Variants in TMCO1 observed in about 807,000 individuals in gnomAD.
TMCO1 encodes transmembrane and coiled-coil domains 1.
TMCO1 carries 29 observed loss-of-function variants against 29.3 expected under a neutral mutation model. The ratio of observed to expected loss-of-function variants is 0.99; its 90% CI spans 0.74 to 1.35. The LOEUF is 1.35. Among genes scored for constraint, TMCO1 ranks in the 40% most tolerant of loss-of-function variants. TMCO1 has a pLI of 0.00. For synonymous variants in TMCO1, 80 were observed against 77.1 expected (o/e 1.04, Z -0.20); for missense variants, 173 against 225.5 (o/e 0.77, Z 1.49).
At position 165,746,393 on chromosome 1, in the gene TMCO1, T is replaced by C. The variant is rs571678118; in HGVS notation, c.324-3082A>G. Among the ~76,000 whole-genome samples the C allele has an allele frequency of 1.5e-4, 23 of 150,834 alleles. 1 individual carries two copies. In the East Asian group the frequency reaches 4.5e-3, roughly 30 times the overall value. ...GATTATAATGAAGCTTTCATATAATTTTCCTCCTTGAAGATACTCTACTTG... is the reference window on the plus strand; with the variant it reads ...GATTATAATGAAGCTTTCATATAATCTTCCTCCTTGAAGATACTCTACTTG... On this transcript the variant is annotated intron_variant, in intron 5 of 6. Coordinates refer to ENST00000367881, the MANE Select transcript of TMCO1 (RefSeq NM_019026.6).
intron 2 of TMCO1, among the ~76,000 whole-genome samples, chr1:165,763,202 C>T (rs990435247): frequency 1.6e-4 from 24 of 152,150 alleles, no homozygotes; most frequent in African/African-American, 4.6e-4. Context: ...ATTCATACTA[C>T]GTTCTGAATA....
At chr1:165,730,174 A>G (rs1651089713) in intron 6 of TMCO1, among the ~76,000 whole-genome samples, 1 of 135,264 alleles carries the variant, frequency 7.4e-6, no homozygotes, top group South Asian at 2.4e-4. Flanking sequence ...ACACACACAC[A>G]AAAAAAAAAA....
rs761597610 is a variant in TMCO1 at position 165,754,206 on chromosome 1, A to T, written c.255+22T>A. On this transcript the variant is annotated intron_variant, in intron 4 of 6. Coordinates refer to ENST00000367881, the MANE Select transcript of TMCO1 (RefSeq NM_019026.6). ...TAAAAATATTATGTGGTTAACCATG[A>T]AGTTATAGTTAGGTCTCTTACCATT... 8 of 1,594,820 alleles carry T rather than the reference A, an allele frequency of 5.0e-6. No homozygotes were observed. The East Asian group carries it at 1.8e-4, about 36-fold the overall frequency.
At chr1:165,761,337 T>G (rs897713306) in intron 2 of TMCO1, among the ~76,000 whole-genome samples, 6 of 151,850 alleles carry the variant, frequency 4.0e-5, no homozygotes, top group African/African-American at 1.5e-4. Context: ...GAGTTTGGGA[T>G]CAGCCTGGGC....
intron 5 of TMCO1, among the ~76,000 whole-genome samples, chr1:165,746,452 A>AACACACAC (rs1651800021): frequency 1.6e-5 from 1 of 61,630 alleles, no homozygotes; most frequent in Non-Finnish European, 3.1e-5. Context: ...GAAGACCTAT[A>AACACACAC]TCACACACAC....
At chr1:165,757,104 A>G (rs1011048608) in intron 3 of TMCO1, among the ~76,000 whole-genome samples, 3 of 152,204 alleles carry the variant, frequency 2.0e-5, no homozygotes, top group African/African-American at 7.2e-5. Flanking sequence ...TGTCCGTAAG[A>G]TAAAATAAAT....
rs571582788 is a variant in TMCO1, at chr1:165,727,025, A to G, written c.*998T>C. 6.6e-6 allele frequency: 3 copies of G among 454,120 alleles called. No individual in the cohort carries two copies. The highest frequency in any genetic ancestry group is 2.0e-5 in the African/African-American group (1 of 50,134). The allele number at this position is 454,120 out of a possible 1,614,324, so 28.1% of individuals were successfully genotyped here. ...TTAAGTAGACATTTGATGAATGTGC[A>G]TATTTATTGATAAGACTCCACACAG... On this transcript the variant is annotated 3_prime_UTR_variant, in exon 7 of 7. Coordinates refer to ENST00000367881, the MANE Select transcript of TMCO1 (RefSeq NM_019026.6).
intron 5 of TMCO1, among the ~76,000 whole-genome samples, chr1:165,747,453 C>T (rs761721960): frequency 2.0e-5 from 3 of 152,022 alleles, no homozygotes; most frequent in Non-Finnish European, 4.4e-5. Flanking sequence ...TTTAATACCT[C>T]AAAATTAATG....
At chr1:165,768,053 A>G (rs1652640911) in intron 2 of TMCO1, 139 bp downstream of exon 2, 1 of 763,310 alleles carries the variant, frequency 1.3e-6, no homozygotes, top group Admixed American at 2.0e-5. Context: ...CACATTTTGC[A>G]TAAAAGTCTT....
At chr1:165,725,411 T>C (rs1017918239), downstream of TMCO1, 2 of 453,982 alleles carry the variant, frequency 4.4e-6, no homozygotes, top group African/African-American at 4.0e-5. Context: ...ACACATTTGC[T>C]TTCCAATTTC....
chr1:165,741,533 G>T (rs554466329), intron 6 of TMCO1, among the ~76,000 whole-genome samples: 61 of 152,346 alleles, frequency 4.0e-4, no homozygotes, highest in African/African-American at 1.4e-3. Context: ...AGTGTAACAT[G>T]AAAACTATTA....
chr1:165,761,952 A>T (rs892806894), intron 2 of TMCO1, among the ~76,000 whole-genome samples: 1 of 151,658 alleles, frequency 6.6e-6, no homozygotes, highest in East Asian at 1.9e-4. Flanking sequence ...CTGTCTCAAA[A>T]AAATAAATAA....
rs1240463219 is a variant in TMCO1 at position 165,727,073 on chromosome 1, G to A, written c.*950C>T. On this transcript the variant is annotated 3_prime_UTR_variant, in exon 7 of 7. Coordinates refer to ENST00000367881, the MANE Select transcript of TMCO1 (RefSeq NM_019026.6). ...CAGGACTCCTAATTCCATAGATTAT[G>A]CGGGGAGGATCATGGTACAAACATC... 4.4e-6 allele frequency: 2 copies of A among 454,074 alleles called. No homozygotes were observed. Among genetic ancestry groups the A allele is most frequent in the Admixed American group, 4.7e-5 (2 of 42,572 alleles). 28.1% of individuals were successfully genotyped at this position (454,074 alleles called of 1,614,324 possible).
chr1:165,759,495 A>T, intron 3 of TMCO1, 30 bp downstream of exon 3: 1 of 1,563,746 alleles, frequency 6.4e-7, no homozygotes. Context: ...AGAAAACCCA[A>T]ATTTCATTTT....
chr1:165,740,667 G>A (rs1456691944), intron 6 of TMCO1, among the ~76,000 whole-genome samples: 1 of 152,170 alleles, frequency 6.6e-6, no homozygotes, highest in African/African-American at 2.4e-5. Flanking sequence ...CTCCTGCTAT[G>A]GTTTGAATGT....
intron 6 of TMCO1, among the ~76,000 whole-genome samples, chr1:165,737,922 A>G (rs1300943034): frequency 6.6e-6 from 1 of 152,246 alleles, no homozygotes; most frequent in East Asian, 1.9e-4. Flanking sequence ...GACAAGCTTC[A>G]CTTCCTGTTA....
chr1:165,768,817 A>G lies in TMCO1; in HGVS notation c.-66T>C, dbSNP rs62622803. On this transcript the variant is annotated 5_prime_UTR_variant, in exon 1 of 7. Coordinates refer to ENST00000367881, the MANE Select transcript of TMCO1 (RefSeq NM_019026.6). ...AGCGCTCTACAGCCAGGAAAAGTGA[A>G]GCGAAAACGGCTTCCGTAGACTCCG... is the stretch of plus-strand genomic sequence containing the variant. 6.6e-4 allele frequency: 1,070 copies of G among 1,609,720 alleles called. 10 individuals are homozygous for G. The African/African-American group carries it at 0.013, about 20-fold the overall frequency.
intron 4 of TMCO1, among the ~76,000 whole-genome samples, chr1:165,753,564 C>A (rs1400460628): frequency 6.6e-6 from 1 of 150,958 alleles, no homozygotes; most frequent in Non-Finnish European, 1.5e-5. Context: ...GCTGGAGGAT[C>A]CATCACTTGA....
intron 6 of TMCO1, among the ~76,000 whole-genome samples, chr1:165,730,817 C>T (rs1381421063): frequency 2.0e-5 from 3 of 151,844 alleles, no homozygotes; most frequent in African/African-American, 7.3e-5. Flanking sequence ...TGGTCTCAAA[C>T]TCTTGGGCTC....
Sources: allele counts gnomAD v4.1 joint callset (sites outside exome capture counted in the v4.1 genomes callset), GRCh38; gene constraint gnomAD v4.1.1; transcripts MANE v1.5; gene names NCBI Gene and HGNC (gene_info 2026-07-23, HGNC 2026-07-21).